MYO5A: variants seen among roughly 807,000 people sequenced by gnomAD.
The protein encoded by MYO5A is unconventional myosin-Va.
A neutral mutation model predicts 249.7 loss-of-function variants in MYO5A; 98 were observed. The observed-to-expected ratio is 0.39, with a 90% CI of 0.33 to 0.46. The LOEUF (loss-of-function observed/expected upper bound fraction) is 0.46. Ranked by LOEUF, MYO5A falls within the 20% of genes least tolerant of loss-of-function variation. The pLI is 0.98. For synonymous variants in MYO5A, 778 were observed against 810.6 expected, an observed-to-expected ratio of 0.96 and a Z score of 0.68; for missense variants, 1,696 against 2,308.8, an observed-to-expected ratio of 0.73 and a Z score of 5.44.
chr15:52,430,947 CA>C (rs2075516987), intron 2 of MYO5A, among the ~76,000 whole-genome samples: 1 of 151,592 alleles, frequency 6.6e-6, no homozygotes, highest in Admixed American at 6.6e-5. Context: ...TAAAAAAAGT[CA>C]AGGCTGGGTG....
At chr15:52,398,964 G>A (rs979717792) in intron 9 of MYO5A, among the ~76,000 whole-genome samples, 1 of 150,898 alleles carries the variant, frequency 6.6e-6, no homozygotes, top group Non-Finnish European at 1.5e-5. Context: ...ACTCCAGCCT[G>A]GGTGACAGAG....
chr15:52,382,175 T>A (rs2041776411), intron 16 of MYO5A, among the ~76,000 whole-genome samples: 1 of 152,254 alleles, frequency 6.6e-6, no homozygotes, highest in Non-Finnish European at 1.5e-5. Flanking sequence ...GTGCTGGGAT[T>A]ACAGGTGTGA....
chr15:52,430,897 G>GA (rs1411240163), intron 2 of MYO5A, among the ~76,000 whole-genome samples: 1 of 151,832 alleles, frequency 6.6e-6, no homozygotes, highest in Non-Finnish European at 1.5e-5. Context: ...TTGGACTGGA[G>GA]AAAAAAGGAT....
Position 52,397,311 on chromosome 15 carries a change from C to A in MYO5A, c.1209G>T (p.Leu403Phe). Residue 403 changes from leucine to phenylalanine, a missense_variant, in exon 10 of 42, where the codon TTG (leucine) becomes TTT (phenylalanine). Around this residue, in one of 5 missense-constraint regions of MYO5A, gnomAD observed 185 missense variants for 204.8 expected, o/e 0.90. Coordinates refer to ENST00000399233, the MANE Select transcript of MYO5A (RefSeq NM_001382347.1). ...AGAGCTTGGCATAGATGTGCTTGGC[C>A]AAAGCATCGCGGGCATTCGTGGCCT... ...KLQATNARDALAKHIYAKLFN... is the reference protein window; with the variant it reads ...KLQATNARDAFAKHIYAKLFN... The A allele has an allele frequency of 6.2e-7, 1 of 1,613,990 alleles. No individual in the cohort carries two copies. The highest frequency in any genetic ancestry group is 8.5e-7 in the Non-Finnish European group (1 of 1,179,946).
At chr15:52,321,099 A>G (rs139027106) in intron 38 of MYO5A, among the ~76,000 whole-genome samples, 1 of 152,182 alleles carries the variant, frequency 6.6e-6, no homozygotes, top group East Asian at 1.9e-4. Context: ...AATTCAATGC[A>G]TTCAACTGAA....
intron 30 of MYO5A, among the ~76,000 whole-genome samples, chr15:52,343,936 C>G (rs745939180): frequency 1.3e-5 from 2 of 152,140 alleles, no homozygotes; most frequent in East Asian, 1.9e-4. Context: ...AGATGCTGTT[C>G]TACATTCTTT....
intron 1 of MYO5A, among the ~76,000 whole-genome samples, chr15:52,501,898 C>G (rs202179924): frequency 7.5e-6 from 1 of 133,086 alleles, no homozygotes; most frequent in East Asian, 2.3e-4. Context: ...CACACACACA[C>G]ACACACACAC....
chr15:52,474,620 G>T (rs2141465737), intron 1 of MYO5A, among the ~76,000 whole-genome samples: 1 of 152,192 alleles, frequency 6.6e-6, no homozygotes, highest in Admixed American at 6.5e-5. Context: ...TTTTGTCAAA[G>T]GCCTTTTCTG....
intron 1 of MYO5A, among the ~76,000 whole-genome samples, chr15:52,511,039 C>T (rs2077379862): frequency 6.6e-6 from 1 of 152,214 alleles, no homozygotes; most frequent in African/African-American, 2.4e-5. Context: ...CAAATTGGAC[C>T]TCAATGACTC....
At position 52,425,984 on chromosome 15, in the gene MYO5A, G is replaced by T; in HGVS notation, c.311-10C>A. 6.2e-7 allele frequency: 1 copy of T among 1,611,278 alleles called. No individual in the cohort carries two copies. On this transcript the variant is annotated splice_polypyrimidine_tract_variant and intron_variant, in intron 3 of 41. Transcript: ENST00000399233. ...GCTACTAGGACTATACCTGGGAATA[G>T]GGTAGGGGACAAGAAAGAAAAAGAA...
At chr15:52,489,906 G>C (rs1293905607) in intron 1 of MYO5A, among the ~76,000 whole-genome samples, 1 of 152,124 alleles carries the variant, frequency 6.6e-6, no homozygotes, top group Non-Finnish European at 1.5e-5. Flanking sequence ...AATGAGCAAA[G>C]ACTTTGAATA....
chr15:52,459,146 A>ATTTTTTTTTTTTTTTTT (rs199923318), intron 1 of MYO5A, among the ~76,000 whole-genome samples: 2 of 49,058 alleles, frequency 4.1e-5, no homozygotes, highest in Non-Finnish European at 9.1e-5. Context: ...ATTTTCCAGA[A>ATTTTTTTTTTTTTTTTT]ATTTTTTTTT....
At chr15:52,468,087 T>C (rs2076386664) in intron 1 of MYO5A, among the ~76,000 whole-genome samples, 1 of 152,180 alleles carries the variant, frequency 6.6e-6, no homozygotes, top group African/African-American at 2.4e-5. Context: ...CAGTGGCTCA[T>C]GTCTGTAATC....
chr15:52,381,205 CG>C (rs1034468996), intron 16 of MYO5A, among the ~76,000 whole-genome samples: 96 of 152,172 alleles, frequency 6.3e-4, no homozygotes, highest in African/African-American at 2.3e-3. Context: ...GGTGGAAGAG[CG>C]GGTTGGTTGA....
At chr15:52,335,180 CTG>C in intron 34 of MYO5A, among the ~76,000 whole-genome samples, 1 of 152,270 alleles carries the variant, frequency 6.6e-6, no homozygotes, top group Non-Finnish European at 1.5e-5. Flanking sequence ...ATTCCAAAGA[CTG>C]TCTCAAAATC....
chr15:52,364,407 G>T, intron 24 of MYO5A, 147 bp downstream of exon 24: 1 of 685,596 alleles, frequency 1.5e-6, no homozygotes, highest in Non-Finnish European at 2.4e-6. Flanking sequence ...GGGTTGGGGA[G>T]ATGGAATGGG....
intron 31 of MYO5A, among the ~76,000 whole-genome samples, chr15:52,341,729 C>T (rs1942876773): frequency 2.2e-5 from 1 of 45,322 alleles, no homozygotes; most frequent in Non-Finnish European, 4.5e-5. Context: ...TAATGACAAG[C>T]GTTAATGATG....
At chr15:52,373,106 A>G (rs1256549043) in intron 20 of MYO5A, among the ~76,000 whole-genome samples, 1 of 152,176 alleles carries the variant, frequency 6.6e-6, no homozygotes, top group East Asian at 1.9e-4. Flanking sequence ...CTTTAAAATG[A>G]AAGGTAAAAG....
rs148384518 is a variant in MYO5A, at chr15:52,406,733, T to C, written c.946+559A>G. ...CATTTTTTAAATCCCAGAAACAAGA[T>C]AGTGACATCTGAGCTGCTTCAGAAA... On this transcript the variant is annotated intron_variant, in intron 8 of 41. Coordinates refer to ENST00000399233, the MANE Select transcript of MYO5A (RefSeq NM_001382347.1). Among the ~76,000 whole-genome samples the C allele has an allele frequency of 7.2e-3, 1,089 of 152,212 alleles. 12 individuals carry two copies. Among genetic ancestry groups the C allele is most frequent in the South Asian group, 0.041 (200 of 4,826 alleles).
Sources: gnomAD v4.1 joint callset for allele counts (sites outside exome capture counted in the v4.1 genomes callset) on GRCh38, gnomAD v4.1.1 for gene constraint, gnomAD v4.1.1 regional missense constraint, MANE v1.5 for transcripts, NCBI Gene and HGNC (gene_info 2026-07-23, HGNC 2026-07-21) for gene names.